The following TIMM9 variants were observed in gnomAD, a reference collection of about 807,000 sequenced individuals.
The protein encoded by TIMM9 is mitochondrial import inner membrane translocase subunit Tim9.
TIMM9 carries 10 observed loss-of-function variants against 13.4 expected under a neutral mutation model. That is an observed-to-expected ratio of 0.75 (90% CI 0.46 to 1.26). TIMM9 has a LOEUF of 1.26. Among genes scored for constraint, TIMM9 ranks in the 50% most tolerant of loss-of-function variants. The probability of loss-of-function intolerance (pLI) is 0.00; values close to 1 mark genes in which losing one functional copy is unlikely to be tolerated. For synonymous variants in TIMM9, 32 were observed against 32.1 expected, an observed-to-expected ratio of 1.00 and a Z score of 0.01; for missense variants, 87 against 100.8, an observed-to-expected ratio of 0.86 and a Z score of 0.58.
In TIMM9 at chr14:58,408,514, T is replaced by C. The variant is rs1488000567; in HGVS notation, c.*520A>G. The C allele has an allele frequency of 6.2e-7, 1 of 1,612,870 alleles. No homozygotes were observed. The highest frequency in any genetic ancestry group is 1.1e-5 in the South Asian group (1 of 90,932). On this transcript the variant is annotated 3_prime_UTR_variant, in exon 6 of 6. Transcript: ENST00000395159. ...TTGAAATGATTAGCAAGTAACTATT[T>C]TATGTATTCACCAGCAATTTGAGGC... is the stretch of plus-strand genomic sequence containing the variant.
chr14:58,413,359 A>G (rs2140318731), intron 3 of TIMM9, among the ~76,000 whole-genome samples: 1 of 152,376 alleles, frequency 6.6e-6, no homozygotes, highest in East Asian at 1.9e-4. Context: ...TTCTATTAAT[A>G]GTTAACAAAC....
At chr14:58,422,055 G>A (rs1361336506) in intron 3 of TIMM9, among the ~76,000 whole-genome samples, 4 of 145,144 alleles carry the variant, frequency 2.8e-5, no homozygotes, top group Non-Finnish European at 6.0e-5. Flanking sequence ...ATTTCTTTGG[G>A]TTAAAATTCT....
intron 2 of TIMM9, among the ~76,000 whole-genome samples, chr14:58,426,101 A>T (rs2036770584): frequency 6.6e-6 from 1 of 152,032 alleles, no homozygotes; most frequent in Non-Finnish European, 1.5e-5. Flanking sequence ...TGTGCCACAG[A>T]GTGAGACTTT....
At chr14:58,416,445 A>C (rs1217113789) in intron 3 of TIMM9, among the ~76,000 whole-genome samples, 1 of 152,188 alleles carries the variant, frequency 6.6e-6, no homozygotes, top group Non-Finnish European at 1.5e-5. Flanking sequence ...ATCTAGTGAA[A>C]ACAACCTTGA....
In TIMM9 at chr14:58,410,898, G is replaced by T; in HGVS notation, c.80C>A (p.Thr27Asn). 6.2e-7 allele frequency: 1 copy of T among 1,613,560 alleles called. No individual in the cohort carries two copies. Among genetic ancestry groups the T allele is most frequent in the Non-Finnish European group, 8.5e-7 (1 of 1,179,838 alleles). Residue 27 changes from threonine (T) to asparagine (N), a missense_variant, in exon 5 of 6, where the codon ACC becomes AAC. Physicochemically the swap from Thr to Asn is moderately conservative, Grantham distance 65. Coordinates refer to ENST00000395159, the MANE Select transcript of TIMM9 (RefSeq NM_012460.4). ...GTCTTTAACACAGTCCAAAAAGCAG[G>T]TCTCTGTAAGTTTATTGTAGGTCCC... ...FLGTYNKLTETCFLDCVKDFT... is the reference protein window; with the variant it reads ...FLGTYNKLTENCFLDCVKDFT...
intron 3 of TIMM9, among the ~76,000 whole-genome samples, chr14:58,416,485 A>T (rs2036413050): frequency 6.6e-6 from 1 of 152,210 alleles, no homozygotes; most frequent in Admixed American, 6.5e-5. Context: ...GACATTCTCA[A>T]ATGTAGGAAA....
chr14:58,416,609 G>A (rs992722315), intron 3 of TIMM9, among the ~76,000 whole-genome samples: 1 of 152,168 alleles, frequency 6.6e-6, no homozygotes, highest in African/African-American at 2.4e-5. Context: ...CACAGTAATA[G>A]GTACAATACA....
chr14:58,419,491 A>ACC (rs1375000246), intron 3 of TIMM9, among the ~76,000 whole-genome samples: 1 of 150,888 alleles, frequency 6.6e-6, no homozygotes, highest in Admixed American at 6.6e-5. Context: ...ACACACACAC[A>ACC]CACACACACA....
chr14:58,411,340 C>T (rs1201503822), intron 4 of TIMM9, among the ~76,000 whole-genome samples: 2 of 151,708 alleles, frequency 1.3e-5, no homozygotes, highest in African/African-American at 2.4e-5. Context: ...CCCAGCTACT[C>T]AGGAGGCTGA....
At chr14:58,423,411 G>A (rs891526076) in intron 3 of TIMM9, among the ~76,000 whole-genome samples, 1 of 150,916 alleles carries the variant, frequency 6.6e-6, no homozygotes, top group Non-Finnish European at 1.5e-5. Flanking sequence ...GCAGCTACTC[G>A]GGAGGCTGAG....
At chr14:58,412,207 A>G (rs370252022) in intron 3 of TIMM9, 9 of 364,452 alleles carry the variant, frequency 2.5e-5, no homozygotes, top group Admixed American at 4.1e-5. Flanking sequence ...CAGTGGCGCC[A>G]TCTTGGCTCA....
At chr14:58,423,146 A>G (rs2036636138) in intron 3 of TIMM9, among the ~76,000 whole-genome samples, 1 of 152,006 alleles carries the variant, frequency 6.6e-6, no homozygotes, top group Non-Finnish European at 1.5e-5. Flanking sequence ...AGTTGAACTC[A>G]AGAGCTAACA....
intron 3 of TIMM9, among the ~76,000 whole-genome samples, chr14:58,412,654 A>G (rs2140317145): frequency 6.6e-6 from 1 of 152,314 alleles, no homozygotes; most frequent in African/African-American, 2.4e-5. Flanking sequence ...TAATCCCAGC[A>G]CTTTGGGAGG....
intron 3 of TIMM9, among the ~76,000 whole-genome samples, chr14:58,421,994 T>C (rs2036600127): frequency 2.0e-5 from 3 of 151,372 alleles, no homozygotes; most frequent in Admixed American, 6.6e-5. Context: ...ATTTCCTTCT[T>C]ATAATGCCAA....
intron 3 of TIMM9, among the ~76,000 whole-genome samples, chr14:58,423,547 G>A (rs942830447): frequency 1.3e-4 from 20 of 148,320 alleles, no homozygotes; most frequent in South Asian, 1.1e-3. Context: ...AAAGATTATG[G>A]TATACATAAT....
chr14:58,419,351 A>C (rs777940800), intron 3 of TIMM9, among the ~76,000 whole-genome samples: 2 of 151,676 alleles, frequency 1.3e-5, no homozygotes, highest in Non-Finnish European at 2.9e-5. Context: ...GTTACCTGGG[A>C]GTCTGAGGCA....
At chr14:58,416,536 C>T (rs1007291871) in intron 3 of TIMM9, among the ~76,000 whole-genome samples, 8 of 152,262 alleles carry the variant, frequency 5.3e-5, no homozygotes, top group Non-Finnish European at 7.4e-5. Context: ...CTAAAATAAT[C>T]GCTCAAGTTT....
At chr14:58,412,093 C>T in intron 3 of TIMM9, 122 bp from the exon 4 acceptor site, 1 of 675,838 alleles carries the variant, frequency 1.5e-6, no homozygotes, top group Non-Finnish European at 2.6e-6. Flanking sequence ...ATGCCACCAC[C>T]CCCAATTTCT....
intron 3 of TIMM9, among the ~76,000 whole-genome samples, chr14:58,414,540 C>T (rs2036331341): frequency 6.6e-6 from 1 of 151,884 alleles, no homozygotes; most frequent in Non-Finnish European, 1.5e-5. Flanking sequence ...GAGTTGGAGA[C>T]AAGCCTGGAC....
Sources: allele counts gnomAD v4.1 joint callset (sites outside exome capture counted in the v4.1 genomes callset), GRCh38; gene constraint gnomAD v4.1.1; transcripts MANE v1.5; gene names NCBI Gene and HGNC (gene_info 2026-07-23, HGNC 2026-07-21).